Variants in AGBL4 observed in about 807,000 individuals in gnomAD.
AGBL4 encodes AGBL carboxypeptidase 4.
Under a neutral mutation model 66.4 loss-of-function variants are expected in AGBL4, and 58 were observed. The ratio of observed to expected loss-of-function variants is 0.87; its 90% CI spans 0.71 to 1.09. The LOEUF is 1.09. Ranked by LOEUF, AGBL4 falls within the 50% of genes least tolerant of loss-of-function variation. The pLI is 0.00. For synonymous variants in AGBL4, 234 were observed against 222.9 expected, an observed-to-expected ratio of 1.05 and a Z score of -0.44; for missense variants, 579 against 631.0, an observed-to-expected ratio of 0.92 and a Z score of 0.88.
chr1:49,175,771 T>C lies in AGBL4; in HGVS notation c.377+69999A>G, dbSNP rs900940486. ...GTTGAATTGAAATGTCACGGGGCTGTCCTAAGTTCAAATCAAGGTCAAAGA... is the reference window on the plus strand; with the variant it reads ...GTTGAATTGAAATGTCACGGGGCTGCCCTAAGTTCAAATCAAGGTCAAAGA... On this transcript the variant is annotated intron_variant, in intron 4 of 13. Coordinates refer to ENST00000371839, the MANE Select transcript of AGBL4 (RefSeq NM_032785.4). Among the ~76,000 whole-genome samples, 4 of 152,166 alleles carry C rather than the reference T, an allele frequency of 2.6e-5. No homozygotes were observed. In the East Asian group the frequency reaches 7.7e-4, roughly 29 times the overall value.
At chr1:49,191,479 C>T (rs181494110) in intron 4 of AGBL4, among the ~76,000 whole-genome samples, 72 of 152,244 alleles carry the variant, frequency 4.7e-4, no homozygotes, top group East Asian at 1.9e-4. Context: ...TTTTATTTTA[C>T]GTTCAGGAAG....
chr1:49,094,737 A>G (rs1161142242), intron 4 of AGBL4, among the ~76,000 whole-genome samples: 1 of 152,200 alleles, frequency 6.6e-6, no homozygotes, highest in Non-Finnish European at 1.5e-5. Flanking sequence ...ATCATACTGA[A>G]TGGGCAAAAA....
intron 3 of AGBL4, among the ~76,000 whole-genome samples, chr1:49,304,325 T>G (rs1317883635): frequency 3.3e-5 from 5 of 152,228 alleles, no homozygotes; most frequent in African/African-American, 1.2e-4. Context: ...TCCATTGGTC[T>G]ATGACACATG....
intron 3 of AGBL4, among the ~76,000 whole-genome samples, chr1:49,449,656 C>G (rs1272394057): frequency 6.6e-6 from 1 of 151,960 alleles, no homozygotes; most frequent in Non-Finnish European, 1.5e-5. Flanking sequence ...AGATTGCCTG[C>G]CACGAGCCCA....
At chr1:48,841,710 A>G (rs1283325532) in intron 6 of AGBL4, among the ~76,000 whole-genome samples, 1 of 152,184 alleles carries the variant, frequency 6.6e-6, no homozygotes, top group Non-Finnish European at 1.5e-5. Context: ...CAGATGTTGC[A>G]GTGAGAATTT....
At chr1:49,714,454 G>C (rs772176537) in intron 2 of AGBL4, among the ~76,000 whole-genome samples, 13 of 151,682 alleles carry the variant, frequency 8.6e-5, no homozygotes, top group Non-Finnish European at 1.5e-4. Context: ...ATGAAAACAA[G>C]AGGTGTTTGA....
At chr1:49,473,261 A>G (rs1004836443) in intron 3 of AGBL4, among the ~76,000 whole-genome samples, 1 of 152,130 alleles carries the variant, frequency 6.6e-6, no homozygotes, top group Non-Finnish European at 1.5e-5. Flanking sequence ...ATTCATGCCA[A>G]CGGTGTATAA....
chr1:49,506,668 G>C (rs924418052), intron 3 of AGBL4, among the ~76,000 whole-genome samples: 3 of 152,004 alleles, frequency 2.0e-5, no homozygotes, highest in Admixed American at 6.6e-5. Context: ...AAATTACCCA[G>C]TCTTGGGTAT....
At chr1:49,994,274 G>A (rs1301711332) in intron 1 of AGBL4, 6 of 136,900 alleles carry the variant, frequency 4.4e-5, no homozygotes, top group Non-Finnish European at 1.5e-5. Context: ...AGAAAATATA[G>A]AAGACAATAC....
intron 3 of AGBL4, among the ~76,000 whole-genome samples, chr1:49,441,214 G>A (rs1161657258): frequency 2.0e-5 from 3 of 152,164 alleles, no homozygotes; most frequent in Non-Finnish European, 2.9e-5. Context: ...AAATGCTTGA[G>A]TTTTCTAATT....
intron 5 of AGBL4, among the ~76,000 whole-genome samples, chr1:48,967,521 G>GC (rs1404469866): frequency 1.3e-5 from 2 of 152,192 alleles, no homozygotes; most frequent in African/African-American, 4.8e-5. Context: ...CTGCATGATT[G>GC]CAAGATTGCA....
At chr1:49,035,361 A>C (rs1200506353) in intron 5 of AGBL4, among the ~76,000 whole-genome samples, 2 of 152,130 alleles carry the variant, frequency 1.3e-5, no homozygotes, top group African/African-American at 2.4e-5. Context: ...AGAGAATGAA[A>C]GTTTATTAAA....
chr1:49,977,720 G>A (rs541095796), intron 1 of AGBL4, among the ~76,000 whole-genome samples: 2 of 151,992 alleles, frequency 1.3e-5, no homozygotes, highest in Admixed American at 1.3e-4. Context: ...GTTTTCAATT[G>A]GCTAATTTTT....
At position 49,023,485 on chromosome 1, in the gene AGBL4, A is replaced by C. The variant is rs77879630; in HGVS notation, c.594+22099T>G. On this transcript the variant is annotated intron_variant, in intron 5 of 13. Transcript: ENST00000371839. ...AAGAGTAAGTTGGGCCAAATGATTT[A>C]TTCAGATCTCCTATCTCCAAAATAC... 5.5e-3 allele frequency among the ~76,000 whole-genome samples: 836 copies of C among 152,282 alleles called. 7 individuals are homozygous for C. Among genetic ancestry groups the C allele is most frequent in the African/African-American group, 0.019 (790 of 41,566 alleles).
At chr1:49,140,282 C>T (rs1266629379) in intron 4 of AGBL4, among the ~76,000 whole-genome samples, 3 of 152,182 alleles carry the variant, frequency 2.0e-5, no homozygotes, top group Non-Finnish European at 4.4e-5. Context: ...AACAACACTG[C>T]AAACACAAAT....
chr1:48,644,591 A>G (rs1645806289), intron 8 of AGBL4, among the ~76,000 whole-genome samples: 1 of 152,190 alleles, frequency 6.6e-6, no homozygotes, highest in African/African-American at 2.4e-5. Flanking sequence ...AGGCTTCTCA[A>G]GTGGAAGCAG....
At chr1:49,645,082 G>C (rs999133211) in intron 3 of AGBL4, among the ~76,000 whole-genome samples, 3 of 151,366 alleles carry the variant, frequency 2.0e-5, no homozygotes, top group African/African-American at 4.8e-5. Flanking sequence ...GAACTAAACA[G>C]AAATAAAAAA....
At chr1:49,593,575 T>C (rs1405803942) in intron 3 of AGBL4, among the ~76,000 whole-genome samples, 2 of 152,194 alleles carry the variant, frequency 1.3e-5, no homozygotes, top group South Asian at 2.1e-4. Flanking sequence ...ATTACTTACA[T>C]ATAGCAATAA....
intron 1 of AGBL4, among the ~76,000 whole-genome samples, chr1:49,970,049 C>T (rs1571982450): frequency 6.6e-6 from 1 of 152,136 alleles, no homozygotes; most frequent in African/African-American, 2.4e-5. Context: ...TATCCACATG[C>T]AAAAGAATGA....
Sources: gnomAD v4.1 joint callset for allele counts (sites outside exome capture counted in the v4.1 genomes callset) on GRCh38, gnomAD v4.1.1 for gene constraint, MANE v1.5 for transcripts, NCBI Gene and HGNC (gene_info 2026-07-23, HGNC 2026-07-21) for gene names.